Variants in ITGB3 observed in about 807,000 individuals in gnomAD.
ITGB3 encodes integrin subunit beta 3.
Under a neutral mutation model 85.8 loss-of-function variants are expected in ITGB3, and 48 were observed. That is an observed-to-expected ratio of 0.56 (90% CI 0.44 to 0.71). The LOEUF is 0.71. Ranked by LOEUF, ITGB3 falls within the 30% of genes least tolerant of loss-of-function variation. The pLI is 0.00. For synonymous variants in ITGB3, 363 were observed against 395.6 expected (o/e 0.92, Z 0.98); for missense variants, 861 against 1,019.1 (o/e 0.84, Z 2.11).
intron 10 of ITGB3, among the ~76,000 whole-genome samples, chr17:47,294,535 A>G (rs868612815): frequency 1.3e-5 from 2 of 152,346 alleles, no homozygotes; most frequent in South Asian, 2.1e-4. Flanking sequence ...GCTCCTCCTC[A>G]GTGCATTCCA....
intron 2 of ITGB3, among the ~76,000 whole-genome samples, chr17:47,281,298 T>A (rs1046136270): frequency 2.6e-5 from 4 of 152,180 alleles, no homozygotes; most frequent in Non-Finnish European, 5.9e-5. Flanking sequence ...CTAGACATTG[T>A]GAAATAGGTC....
chr17:47,310,031 T>C (rs946941069), intron 14 of ITGB3, 108 bp from the exon 15 acceptor site: 4 of 877,554 alleles, frequency 4.6e-6, no homozygotes, highest in African/African-American at 3.3e-5. Context: ...TGATGATGTA[T>C]TCCAGAGAAC....
intron 10 of ITGB3, among the ~76,000 whole-genome samples, chr17:47,296,423 G>A (rs922896954): frequency 5.9e-5 from 9 of 151,954 alleles, no homozygotes; most frequent in South Asian, 2.1e-4. Flanking sequence ...TTGTAGAGAC[G>A]GGATCTCGCT....
Position 47,286,248 on chromosome 17 carries a change from A to G in ITGB3, c.615-12A>G, listed in dbSNP as rs756595546. ...AAGGTGTCTGCTTAAATTATCTCCCATCCCTCCCCAGTATGAAGACCACCT... is the reference window on the plus strand; with the variant it reads ...AAGGTGTCTGCTTAAATTATCTCCCGTCCCTCCCCAGTATGAAGACCACCT... On this transcript the variant is annotated splice_polypyrimidine_tract_variant and intron_variant, in intron 4 of 14. Coordinates refer to ENST00000559488, the MANE Select transcript of ITGB3 (RefSeq NM_000212.3). 6.2e-7 allele frequency: 1 copy of G among 1,613,952 alleles called. No individual in the cohort carries two copies. Among genetic ancestry groups the G allele is most frequent in the East Asian group, 2.2e-5 (1 of 44,890 alleles).
At chr17:47,274,999 A>C (rs1235712053) in intron 2 of ITGB3, among the ~76,000 whole-genome samples, 1 of 152,092 alleles carries the variant, frequency 6.6e-6, no homozygotes, top group Non-Finnish European at 1.5e-5. Flanking sequence ...GTCAGGTCTC[A>C]AAAGGAGAGG....
chr17:47,260,501 C>T (rs2065005321), intron 1 of ITGB3, among the ~76,000 whole-genome samples: 1 of 152,178 alleles, frequency 6.6e-6, no homozygotes, highest in Non-Finnish European at 1.5e-5. Context: ...TATTCAGTAG[C>T]CACTTAAAAA....
At chr17:47,302,584 G>C (rs2065171242) in intron 12 of ITGB3, 137 bp from the exon 13 acceptor site, 1 of 1,013,856 alleles carries the variant, frequency 9.9e-7, no homozygotes, top group South Asian at 1.4e-5. Context: ...CAGCCACCTT[G>C]AATCTAGGCA....
chr17:47,271,541 C>A (rs2065044104), intron 1 of ITGB3, among the ~76,000 whole-genome samples: 1 of 152,136 alleles, frequency 6.6e-6, no homozygotes, highest in African/African-American at 2.4e-5. Context: ...AGGCAATGAA[C>A]CTTAACCTGT....
At chr17:47,294,581 G>T (rs1024399721) in intron 10 of ITGB3, among the ~76,000 whole-genome samples, 3 of 152,298 alleles carry the variant, frequency 2.0e-5, no homozygotes, top group Admixed American at 1.3e-4. Flanking sequence ...AGCCATTGCC[G>T]CCTCCCTCTA....
intron 1 of ITGB3, among the ~76,000 whole-genome samples, chr17:47,263,414 G>A (rs569231601): frequency 6.6e-6 from 1 of 152,260 alleles, no homozygotes; most frequent in South Asian, 2.1e-4. Flanking sequence ...GCTCCACAGA[G>A]AGACCTTTCC....
chr17:47,294,789 A>G (rs1231483939), intron 10 of ITGB3, among the ~76,000 whole-genome samples: 1 of 152,140 alleles, frequency 6.6e-6, no homozygotes, highest in Non-Finnish European at 1.5e-5. Flanking sequence ...CCCACTCACC[A>G]TTGCCCCTTG....
At chr17:47,260,605 C>A (rs552176860) in intron 1 of ITGB3, among the ~76,000 whole-genome samples, 1 of 152,310 alleles carries the variant, frequency 6.6e-6, no homozygotes, top group Non-Finnish European at 1.5e-5. Flanking sequence ...CAGACCCCAA[C>A]TTTAGCCATC....
chr17:47,258,785 C>G (rs559500343), intron 1 of ITGB3, among the ~76,000 whole-genome samples: 12 of 152,196 alleles, frequency 7.9e-5, no homozygotes, highest in Non-Finnish European at 1.8e-4. Flanking sequence ...CCTCAACCCT[C>G]GTCGGTTGCA....
At chr17:47,309,492 TAGG>T (rs1227645039) in intron 14 of ITGB3, among the ~76,000 whole-genome samples, 3 of 152,114 alleles carry the variant, frequency 2.0e-5, no homozygotes, top group African/African-American at 7.2e-5. Context: ...GAATGGAAAA[TAGG>T]AGAAGGGCAA....
At chr17:47,309,492 T>C (rs2065204464) in intron 14 of ITGB3, among the ~76,000 whole-genome samples, 1 of 152,114 alleles carries the variant, frequency 6.6e-6, no homozygotes, top group African/African-American at 2.4e-5. Context: ...GAATGGAAAA[T>C]AGGAGAAGGG....
chr17:47,290,296 T>C (rs374199625), intron 8 of ITGB3, 22 bp downstream of exon 8: 17 of 1,596,382 alleles, frequency 1.1e-5, no homozygotes, highest in African/African-American at 1.3e-5. Context: ...GTGCTGGGAA[T>C]AGTCCCGCGG....
intron 1 of ITGB3, among the ~76,000 whole-genome samples, chr17:47,263,099 G>A (rs114203331): frequency 6.6e-5 from 10 of 152,144 alleles, no homozygotes; most frequent in Admixed American, 2.6e-4. Context: ...GAGGTCATAC[G>A]GCCAGAGGAA....
intron 1 of ITGB3, among the ~76,000 whole-genome samples, chr17:47,257,169 A>G (rs1343266015): frequency 6.6e-6 from 1 of 152,248 alleles, no homozygotes; most frequent in Non-Finnish European, 1.5e-5. Context: ...GCTATCTGCC[A>G]TGTATTGGAG....
chr17:47,307,642 G>A lies in ITGB3; in HGVS notation c.2301+5G>A. The stretch of plus-strand genomic sequence containing the variant: ...GCCAGAGCAAAATGGGACACAGTAA[G>A]AGACGGGGCTGGGCGTTTTCTAAAG... On this transcript the variant is annotated splice_donor_5th_base_variant and intron_variant, in intron 14 of 14. Transcript: ENST00000559488. The A allele has an allele frequency of 6.2e-7, 1 of 1,614,138 alleles. No homozygotes were observed. The highest frequency in any genetic ancestry group is 1.1e-5 in the South Asian group (1 of 91,054).
Sources: allele counts gnomAD v4.1 joint callset (sites outside exome capture counted in the v4.1 genomes callset), GRCh38; gene constraint gnomAD v4.1.1; transcripts MANE v1.5; gene names NCBI Gene and HGNC (gene_info 2026-07-23, HGNC 2026-07-21).